Variants in LPIN1 observed in about 807,000 individuals in gnomAD.
LPIN1 encodes the protein phosphatidate phosphatase LPIN1.
LPIN1 carries 71 observed loss-of-function variants against 107.5 expected under a neutral mutation model. The ratio of observed to expected loss-of-function variants is 0.66; its 90% CI spans 0.55 to 0.80. The LOEUF (loss-of-function observed/expected upper bound fraction) is 0.80. Among genes scored for constraint, LPIN1 ranks in the 30% least tolerant of loss-of-function variants. The pLI, the probability that LPIN1 is intolerant of heterozygous loss-of-function variation, is 0.00. For missense variants in LPIN1, 1,043 were observed against 1,160.6 expected, an observed-to-expected ratio of 0.90 and a Z score of 1.47; for synonymous variants, 445 against 452.6, an observed-to-expected ratio of 0.98 and a Z score of 0.21.
At position 11,706,144 on chromosome 2, in the gene LPIN1, C is replaced by T. The variant is rs143803848; in HGVS notation, c.82-7612C>T. On this transcript the variant is annotated intron_variant, in intron 1 of 21. Coordinates refer to the LPIN1 transcript ENST00000449576. ...ATGTGGAACTGTTAAATTCATTAAA[C>T]CCTTTTCTTTTGTAAATTGCCCAGT... Among the ~76,000 whole-genome samples the T allele has an allele frequency of 3.5e-3, 533 of 152,328 alleles. 3 individuals carry two copies. The highest frequency in any genetic ancestry group is 0.012 in the African/African-American group (519 of 41,562).
intron 2 of LPIN1, among the ~76,000 whole-genome samples, chr2:11,766,812 T>G (rs1156545594): frequency 1.3e-5 from 2 of 152,174 alleles, no homozygotes; most frequent in Non-Finnish European, 2.9e-5. Context: ...CAGAGCAGCT[T>G]CTTTTGTTGA....
intron 12 of LPIN1, among the ~76,000 whole-genome samples, chr2:11,789,429 T>C (rs1675261608): frequency 6.6e-6 from 1 of 152,138 alleles, no homozygotes; most frequent in East Asian, 1.9e-4. Flanking sequence ...CTTATGTGTG[T>C]GCGTGTGTGT....
chr2:11,821,346 G>A (rs951448319), intron 20 of LPIN1, among the ~76,000 whole-genome samples: 4 of 152,084 alleles, frequency 2.6e-5, no homozygotes, highest in Admixed American at 6.5e-5. Flanking sequence ...GAGAAACCCC[G>A]TCTCTCCTAA....
rs964762064 is a variant in LPIN1, at chr2:11,779,768, T to C, written c.957+123T>C. ...CAGGAGCCAGAGGTAAACCAAAATATATTAAGGGTTAGCCTTGAATGTTGG... is the reference window on the plus strand; with the variant it reads ...CAGGAGCCAGAGGTAAACCAAAATACATTAAGGGTTAGCCTTGAATGTTGG... On this transcript the variant is annotated intron_variant, in intron 7 of 20. Coordinates refer to ENST00000674199, the MANE Select transcript of LPIN1 (RefSeq NM_001349206.2). 1.5e-5 allele frequency: 17 copies of C among 1,118,342 alleles called. No individual in the cohort carries two copies. The African/African-American group carries it at 2.1e-4, about 14-fold the overall frequency. 69.3% of individuals were successfully genotyped at this position (1,118,342 alleles called of 1,614,324 possible).
chr2:11,823,294 G>GCC (rs59449319), intron 20 of LPIN1: 32,334 of 152,094 alleles, frequency 0.21, 5,394 homozygotes, highest in African/African-American at 0.46. Context: ...TGGTTCCAGT[G>GCC]CACCGCGGCC....
At chr2:11,743,938 C>T (rs1311827856), upstream of LPIN1, among the ~76,000 whole-genome samples, 2 of 152,214 alleles carry the variant, frequency 1.3e-5, no homozygotes, top group Non-Finnish European at 2.9e-5. This position sits in a 1 kb window ranked among gnomAD's most constrained non-coding sequence, Gnocchi z 4.7. Flanking sequence ...ACAGATCCTT[C>T]TGGGAATGGC....
intron 1 of LPIN1, among the ~76,000 whole-genome samples, chr2:11,739,913 C>T (rs1572492404): frequency 1.3e-5 from 2 of 152,174 alleles, no homozygotes; most frequent in African/African-American, 4.8e-5. Context: ...TCCAGAGAAA[C>T]AACCAAATAA....
chr2:11,728,954 G>T (rs968298675), intron 1 of LPIN1, among the ~76,000 whole-genome samples: 2 of 152,142 alleles, frequency 1.3e-5, no homozygotes, highest in Non-Finnish European at 2.9e-5. Context: ...TAGGTTGCCC[G>T]TTCACTCTGA....
intron 18 of LPIN1, chr2:11,817,176 A>T (rs1169587823): frequency 6.6e-6 from 1 of 152,116 alleles, no homozygotes; most frequent in Non-Finnish European, 1.5e-5. Flanking sequence ...ATTGACGGGC[A>T]CACAAATGAC....
chr2:11,734,182 C>G (rs537269251), intron 1 of LPIN1, among the ~76,000 whole-genome samples: 2 of 152,298 alleles, frequency 1.3e-5, no homozygotes, highest in Admixed American at 1.3e-4. Context: ...ATGAGGGACT[C>G]TAACCAATGA....
At chr2:11,799,250 G>T (rs1677258909) in intron 14 of LPIN1, among the ~76,000 whole-genome samples, 3 of 151,942 alleles carry the variant, frequency 2.0e-5, no homozygotes, top group Admixed American at 6.6e-5. Context: ...AAATTTAGTG[G>T]ATTTTTTTTT....
intron 14 of LPIN1, among the ~76,000 whole-genome samples, chr2:11,798,923 A>G (rs896182630): frequency 2.6e-5 from 4 of 152,232 alleles, no homozygotes; most frequent in Non-Finnish European, 5.9e-5. Flanking sequence ...ACAAGTGCTA[A>G]CTTAGATGTT....
At chr2:11,759,178 TTTC>T (rs1669204111) in intron 1 of LPIN1, among the ~76,000 whole-genome samples, 7 of 143,522 alleles carry the variant, frequency 4.9e-5, no homozygotes, top group African/African-American at 1.3e-4. Flanking sequence ...TCTTTCTTTC[TTTC>T]TTTCTTTCTT....
At position 11,827,099 on chromosome 2, in the gene LPIN1, T is replaced by C. The variant is rs555722153; in HGVS notation, c.*2308T>C. 3.3e-5 allele frequency: 5 copies of C among 152,786 alleles called. No individual in the cohort carries two copies. In the East Asian group the frequency reaches 9.6e-4, roughly 29 times the overall value. The allele number at this position is 152,786 out of a possible 1,614,324, so 9.5% of individuals were successfully genotyped here. A position where few individuals can be genotyped will look rare whatever the true frequency, so the allele number is the denominator to read the frequency against. Reference sequence around the variant, plus strand: ...GACCACACATTTCAAAGTTGCCCTATGGAAATGAATCCTACTTAGTGACAA... The same window carrying C: ...GACCACACATTTCAAAGTTGCCCTACGGAAATGAATCCTACTTAGTGACAA... On this transcript the variant is annotated 3_prime_UTR_variant, in exon 21 of 21. Transcript: ENST00000674199. This position sits in a 1 kb window ranked among gnomAD's most constrained non-coding sequence, Gnocchi z 4.1.
intron 1 of LPIN1, among the ~76,000 whole-genome samples, chr2:11,735,652 A>G (rs1454976408): frequency 6.6e-6 from 1 of 152,010 alleles, no homozygotes; most frequent in Non-Finnish European, 1.5e-5. Context: ...GAGTATAGTT[A>G]CTCTCCTCAC....
Position 11,759,133 on chromosome 2 carries a change from T to TTTC in LPIN1, c.-9-6398_-9-6397insCTT, listed in dbSNP as rs1487717396. Among the ~76,000 whole-genome samples, 170 of 131,640 alleles carry TTTC rather than the reference T, an allele frequency of 1.3e-3. 1 individual carries two copies. Among genetic ancestry groups the TTTC allele is most frequent in the African/African-American group, 2.7e-3 (95 of 34,620 alleles). The allele number at this position is 131,640 out of a possible 152,430, so 86.4% of individuals were successfully genotyped here. ...TGAGCTAGCTAGCTTGCTTTCTTTC[T>TTTC]TTTCTTTCTTTCTTTCTTTCTTTCT... On this transcript the variant is annotated intron_variant, in intron 1 of 20. Coordinates refer to ENST00000674199, the MANE Select transcript of LPIN1 (RefSeq NM_001349206.2).
upstream of LPIN1, among the ~76,000 whole-genome samples, chr2:11,742,813 C>A (rs1033701254): frequency 6.6e-6 from 1 of 152,266 alleles, no homozygotes; most frequent in Non-Finnish European, 1.5e-5. Flanking sequence ...GGGAGACAGG[C>A]ATGGGGCTTG....
intron 16 of LPIN1, 124 bp from the exon 17 acceptor site, chr2:11,804,946 T>G: frequency 1.4e-6 from 1 of 722,826 alleles, no homozygotes; most frequent in East Asian, 2.7e-5. Context: ...AGCCTTGGGC[T>G]TTCTATCCAG....
intron 1 of LPIN1, among the ~76,000 whole-genome samples, chr2:11,690,388 A>G (rs1329518825): frequency 6.6e-6 from 1 of 152,180 alleles, no homozygotes; most frequent in Non-Finnish European, 1.5e-5. Context: ...TGAGACATTT[A>G]AATATTATCC....
Sources: allele counts gnomAD v4.1 joint callset (sites outside exome capture counted in the v4.1 genomes callset), GRCh38; gene constraint gnomAD v4.1.1; non-coding constraint Gnocchi (gnomAD v3.1); transcripts MANE v1.5; gene names NCBI Gene and HGNC (gene_info 2026-07-23, HGNC 2026-07-21).